MSRB3: variants seen among roughly 807,000 people sequenced by gnomAD.
MSRB3 encodes the protein methionine-R-sulfoxide reductase B3.
A neutral mutation model predicts 21.0 loss-of-function variants in MSRB3; 13 were observed. The observed-to-expected ratio is 0.62, with a 90% CI of 0.40 to 0.98. MSRB3 has a LOEUF of 0.98. Among genes scored for constraint, MSRB3 ranks in the 50% least tolerant of loss-of-function variants. The pLI is 0.00. For missense variants in MSRB3, 199 were observed against 230.3 expected (o/e 0.86, Z 0.88); for synonymous variants, 87 against 88.6 (o/e 0.98, Z 0.10).
chr12:65,324,932 G>T (rs547497921), intron 2 of MSRB3, among the ~76,000 whole-genome samples: 1 of 152,164 alleles, frequency 6.6e-6, no homozygotes, highest in African/African-American at 2.4e-5. Flanking sequence ...ATTTTGGATA[G>T]AATTGTTTGA....
intron 1 of MSRB3, among the ~76,000 whole-genome samples, chr12:65,302,739 C>A (rs911096302): frequency 6.6e-6 from 1 of 152,116 alleles, no homozygotes; most frequent in South Asian, 2.1e-4. Context: ...GATCAATTCA[C>A]TCAACAAACG....
chr12:65,396,689 CTCAAAAAAA>C (rs1879801426), intron 5 of MSRB3, among the ~76,000 whole-genome samples: 1 of 32,016 alleles, frequency 3.1e-5, no homozygotes, highest in Non-Finnish European at 5.1e-5. Context: ...GAAACTCCAT[CTCAAAAAAA>C]AAAAAAAAAG....
At chr12:65,393,650 A>T (rs1454289259) in intron 5 of MSRB3, among the ~76,000 whole-genome samples, 1 of 150,896 alleles carries the variant, frequency 6.6e-6, no homozygotes, top group African/African-American at 2.4e-5. Flanking sequence ...AAAAAAAAAA[A>T]AAAATGACTA....
At chr12:65,426,377 T>C (rs1190763050) in intron 5 of MSRB3, among the ~76,000 whole-genome samples, 4 of 152,190 alleles carry the variant, frequency 2.6e-5, no homozygotes, top group Non-Finnish European at 5.9e-5. Flanking sequence ...CCCCACTCTT[T>C]CCTGGCCTGT....
chr12:65,316,815 T>G (rs936421179), intron 2 of MSRB3, among the ~76,000 whole-genome samples: 1 of 152,178 alleles, frequency 6.6e-6, no homozygotes, highest in African/African-American at 2.4e-5. Context: ...TGAGAAGCAT[T>G]GTGCTTCTTT....
At chr12:65,291,611 C>G (rs886662569) in intron 1 of MSRB3, among the ~76,000 whole-genome samples, 6 of 152,098 alleles carry the variant, frequency 3.9e-5, no homozygotes, top group Admixed American at 3.9e-4. Flanking sequence ...AGCCCTGTTA[C>G]ATGTCAGGCA....
At chr12:65,342,870 G>A (rs1876234989) in intron 4 of MSRB3, among the ~76,000 whole-genome samples, 1 of 151,972 alleles carries the variant, frequency 6.6e-6, no homozygotes, top group Non-Finnish European at 1.5e-5. Context: ...CCATATCTAT[G>A]AAATATGCAT....
intron 1 of MSRB3, among the ~76,000 whole-genome samples, chr12:65,303,477 A>T (rs1233652820): frequency 1.3e-5 from 2 of 152,150 alleles, no homozygotes; most frequent in Non-Finnish European, 2.9e-5. Context: ...CTTCATAGGA[A>T]CTAATAATTT....
At chr12:65,454,006 C>A in intron 6 of MSRB3, 181 bp downstream of exon 6, 3 of 693,826 alleles carry the variant, frequency 4.3e-6, no homozygotes, top group South Asian at 3.1e-5. Flanking sequence ...ATGTTAAGGT[C>A]GGCATGATAG....
At chr12:65,297,552 G>A (rs1024152017) in intron 1 of MSRB3, among the ~76,000 whole-genome samples, 5 of 152,150 alleles carry the variant, frequency 3.3e-5, no homozygotes, top group African/African-American at 1.2e-4. Flanking sequence ...CATCGTGTTA[G>A]GTAGTAGAAA....
Position 65,394,347 on chromosome 12 carries a change from T to A in MSRB3, c.292+25321T>A, listed in dbSNP as rs542612590. 3.3e-5 allele frequency among the ~76,000 whole-genome samples: 5 copies of A among 152,300 alleles called. No homozygotes were observed. The East Asian group carries it at 7.7e-4, about 24-fold the overall frequency. On this transcript the variant is annotated intron_variant, in intron 5 of 6. Transcript: ENST00000308259. Reference sequence around the variant, plus strand: ...ATGCCAACACATTAGATAGCTTAGATAAAATGAACAAATTCTTAGAAAGAC... The same window carrying A: ...ATGCCAACACATTAGATAGCTTAGAAAAAATGAACAAATTCTTAGAAAGAC...
intron 4 of MSRB3, among the ~76,000 whole-genome samples, chr12:65,339,736 G>T (rs1876017644): frequency 6.6e-6 from 1 of 151,984 alleles, no homozygotes; most frequent in Non-Finnish European, 1.5e-5. Context: ...AGCTCAACAG[G>T]TTCCTTAAAT....
intron 5 of MSRB3, among the ~76,000 whole-genome samples, chr12:65,417,606 A>G (rs1881048286): frequency 6.6e-6 from 1 of 152,126 alleles, no homozygotes; most frequent in Non-Finnish European, 1.5e-5. Flanking sequence ...ATTTCTCCTA[A>G]CTGAAATTTT....
chr12:65,463,574 C>CCTG lies in MSRB3; in HGVS notation c.*252_*253insCTG. ...AACTTCTTCACAAGCCACTTATACC[C>CCTG]TTTGGCATTCTTTTCTTTGAGCACA... On this transcript the variant is annotated 3_prime_UTR_variant, in exon 7 of 7. Coordinates refer to ENST00000308259, the MANE Select transcript of MSRB3 (RefSeq NM_001031679.3). 1 of 465,318 alleles carries CCTG rather than the reference C, an allele frequency of 2.1e-6. No individual in the cohort carries two copies. Among genetic ancestry groups the CCTG allele is most frequent in the South Asian group, 2.3e-5 (1 of 43,576 alleles). The allele number at this position is 465,318 out of a possible 1,614,324, so 28.8% of individuals were successfully genotyped here. A position where few individuals can be genotyped will look rare whatever the true frequency, so the allele number is the denominator to read the frequency against.
intron 1 of MSRB3, chr12:65,285,252 T>C (rs996567645): frequency 6.6e-6 from 1 of 152,198 alleles, no homozygotes; most frequent in African/African-American, 2.4e-5. Context: ...TCTTCAAGTG[T>C]TGACTGCAAG....
Position 65,278,904 on chromosome 12 carries a change from C to T in MSRB3, c.-52+39C>T, listed in dbSNP as rs1235141487. ...CCCCTCCCCTCTCCTCCTCGCCTCA[C>T]CCCTCCCACCCCGACCCTGCCACGT... On this transcript the variant is annotated intron_variant, in intron 1 of 6. Transcript: ENST00000308259. 8 of 1,542,520 alleles carry T rather than the reference C, an allele frequency of 5.2e-6. No homozygotes were observed. The Admixed American group carries it at 1.4e-4, about 27-fold the overall frequency.
chr12:65,376,090 C>A (rs1167152522), intron 5 of MSRB3, among the ~76,000 whole-genome samples: 2 of 150,046 alleles, frequency 1.3e-5, no homozygotes, highest in East Asian at 3.9e-4. Flanking sequence ...TTTTATCTGA[C>A]AAGGACAGTG....
intron 2 of MSRB3, among the ~76,000 whole-genome samples, chr12:65,322,464 G>A (rs1054541115): frequency 2.6e-5 from 4 of 151,898 alleles, no homozygotes; most frequent in African/African-American, 9.7e-5. Context: ...TTCGAGACCT[G>A]GCCATCATGT....
At chr12:65,285,358 A>C (rs990875408) in intron 1 of MSRB3, 15 of 152,164 alleles carry the variant, frequency 9.9e-5, no homozygotes, top group African/African-American at 3.6e-4. Flanking sequence ...GTTACTGGGC[A>C]TTGCTGTGAT....
Sources: gnomAD v4.1 joint callset for allele counts (sites outside exome capture counted in the v4.1 genomes callset) on GRCh38, gnomAD v4.1.1 for gene constraint, MANE v1.5 for transcripts, NCBI Gene and HGNC (gene_info 2026-07-23, HGNC 2026-07-21) for gene names.